Variants in CPLANE1 observed in about 807,000 individuals in gnomAD.
CPLANE1 encodes the protein ciliogenesis and planar polarity effector 1.
CPLANE1 carries 263 observed loss-of-function variants against 362.5 expected under a neutral mutation model. The ratio of observed to expected loss-of-function variants is 0.73; its 90% confidence interval spans 0.66 to 0.80. CPLANE1 has a LOEUF of 0.80. Among genes scored for constraint, CPLANE1 ranks in the 30% least tolerant of loss-of-function variants. CPLANE1 has a pLI of 0.00. For missense variants in CPLANE1, 3,461 were observed against 3,793.4 expected (o/e 0.91, Z 2.30); for synonymous variants, 1,212 against 1,302.6 (o/e 0.93, Z 1.50).
chr5:37,116,302 T>C (rs745832263), intron 50 of CPLANE1, among the ~76,000 whole-genome samples: 45 of 151,986 alleles, frequency 3.0e-4, no homozygotes, highest in Middle Eastern at 3.4e-3. Context: ...CTGGCCAACA[T>C]GGTGAAACCC....
chr5:37,171,892 T>A (rs1286529289), intron 32 of CPLANE1, among the ~76,000 whole-genome samples: 1 of 151,896 alleles, frequency 6.6e-6, no homozygotes, highest in Non-Finnish European at 1.5e-5. Flanking sequence ...GCTCAAAGCA[T>A]CCTCCAACCT....
chr5:37,209,827 A>G lies in CPLANE1; in HGVS notation c.2921-3402T>C. The G allele has an allele frequency of 7.4e-7, 1 of 1,353,844 alleles. No homozygotes were observed. Among genetic ancestry groups the G allele is most frequent in the Non-Finnish European group, 1.1e-6 (1 of 945,276 alleles). 83.9% of individuals were successfully genotyped at this position (1,353,844 alleles called of 1,614,324 possible). A position where few individuals can be genotyped will look rare whatever the true frequency, so the allele number is the denominator to read the frequency against. On this transcript the variant is annotated intron_variant, in intron 16 of 52. Coordinates refer to ENST00000651892, the MANE Select transcript of CPLANE1 (RefSeq NM_001384732.1). The surrounding 1 kb of genome is among the most constrained non-coding windows in gnomAD (Gnocchi z 4.6). Reference sequence around the variant, plus strand: ...TTGGCAGAATATCATCAAGCTAAAGAAAGTTGTAATATGGAAACTCAGACA... The same window carrying G: ...TTGGCAGAATATCATCAAGCTAAAGGAAGTTGTAATATGGAAACTCAGACA...
rs1347208910 is a variant in CPLANE1, at chr5:37,120,210, T to C, written c.9310+6A>G. 1 of 1,598,308 alleles carries C rather than the reference T, an allele frequency of 6.3e-7. No individual in the cohort carries two copies. Among genetic ancestry groups the C allele is most frequent in the Non-Finnish European group, 8.5e-7 (1 of 1,176,258 alleles). ...AGACAATTTATAAAAAAGCTTTAAG[T>C]CTTACCATGTGGCCAAGGTGAGCCT... On this transcript the variant is annotated splice_donor_region_variant and intron_variant, in intron 50 of 52. Coordinates refer to ENST00000651892, the MANE Select transcript of CPLANE1 (RefSeq NM_001384732.1).
At chr5:37,190,691 T>C (rs905347854) in intron 21 of CPLANE1, among the ~76,000 whole-genome samples, 2 of 152,298 alleles carry the variant, frequency 1.3e-5, no homozygotes, top group Admixed American at 6.5e-5. Flanking sequence ...TGCCACATAA[T>C]GGCACTCAGG....
At position 37,221,471 on chromosome 5, in the gene CPLANE1, A is replaced by C. The variant is rs1453632335; in HGVS notation, c.2599T>G (p.Phe867Val). 9.3e-6 allele frequency: 14 copies of C among 1,501,142 alleles called. No individual in the cohort carries two copies. Among genetic ancestry groups the C allele is most frequent in the Non-Finnish European group, 1.2e-5 (13 of 1,130,316 alleles). 93.0% of individuals were successfully genotyped at this position (1,501,142 alleles called of 1,614,324 possible). ...IEEKGGRRTY[F>V]LQIRYYLSLL... is the part of the protein sequence containing the mutation. ...GAAAGATAATAGCGTATCTGAAGAA[A>C]ATACGTCCTTCTTCCTCCTGAAACA... The change falls in exon 15 of 53, where the codon TTT becomes GTT. Residue 867 changes from phenylalanine to valine, a missense_variant. Transcript: ENST00000651892.
intron 18 of CPLANE1, among the ~76,000 whole-genome samples, chr5:37,202,558 G>A (rs1005801865): frequency 5.9e-5 from 9 of 152,022 alleles, no homozygotes; most frequent in Admixed American, 2.6e-4. Flanking sequence ...TGTATAGTAC[G>A]GCTTCAACTA....
At chr5:37,222,043 A>G (rs1335046939) in intron 14 of CPLANE1, among the ~76,000 whole-genome samples, 2 of 151,966 alleles carry the variant, frequency 1.3e-5, no homozygotes, top group Non-Finnish European at 2.9e-5. Context: ...AGCAGAAGAA[A>G]CAGTTATCCA....
chr5:37,236,434 G>T (rs555273266), intron 8 of CPLANE1, among the ~76,000 whole-genome samples: 1 of 152,160 alleles, frequency 6.6e-6, no homozygotes, highest in African/African-American at 2.4e-5. Flanking sequence ...ACTCAAGATG[G>T]ATTAAAGACC....
At chr5:37,101,158 G>A in the CPLANE1 span, among the ~76,000 whole-genome samples, 86 of 152,008 alleles carry the variant, frequency 5.7e-4, no homozygotes, top group South Asian at 0.012. Flanking sequence ...GAATATGAGC[G>A]GTGAGAAGGC....
chr5:37,076,253 CAA>C, the CPLANE1 span, among the ~76,000 whole-genome samples: 302 of 138,634 alleles, frequency 2.2e-3, no homozygotes, highest in Non-Finnish European at 2.6e-3. Flanking sequence ...GACCCTGTCT[CAA>C]AAAAAAAAAA....
At chr5:37,219,557 C>T (rs1794910154) in intron 15 of CPLANE1, among the ~76,000 whole-genome samples, 1 of 151,946 alleles carries the variant, frequency 6.6e-6, no homozygotes, top group South Asian at 2.1e-4. Context: ...ATTAGCCAGG[C>T]GTGAGGCACA....
the CPLANE1 span, among the ~76,000 whole-genome samples, chr5:37,094,424 A>C: frequency 3.3e-5 from 5 of 152,246 alleles, no homozygotes; most frequent in Admixed American, 1.3e-4. Flanking sequence ...CCTCTGGGAT[A>C]CAGCAAAGGC....
At chr5:37,097,136 G>A in the CPLANE1 span, among the ~76,000 whole-genome samples, 2 of 152,028 alleles carry the variant, frequency 1.3e-5, no homozygotes, top group African/African-American at 2.4e-5. Context: ...ATCACTTGAG[G>A]CCAGGAGTTC....
chr5:37,153,773 G>C lies in CPLANE1; in HGVS notation c.8340C>G (p.Pro2780=). 1 of 1,613,066 alleles carries C rather than the reference G, an allele frequency of 6.2e-7. No individual in the cohort carries two copies. The highest frequency in any genetic ancestry group is 8.5e-7 in the Non-Finnish European group (1 of 1,179,434). ...AATGTAGATCTAGCATTTCAGGCTTGGGGAAATCCTGTTCTATGTTTTCAG... is the reference window on the plus strand; with the variant it reads ...AATGTAGATCTAGCATTTCAGGCTTCGGGAAATCCTGTTCTATGTTTTCAG... The part of the protein sequence containing the change: ...NIAENIEQDF[P]KPEMLDLHCD... Residue 2780 remains proline (P), a synonymous_variant, in exon 42 of 53, where the codon CCC becomes CCG. Transcript: ENST00000651892.
intron 41 of CPLANE1, 59 bp from the exon 42 acceptor site, chr5:37,154,052 A>G (rs547765513): frequency 6.9e-7 from 1 of 1,442,892 alleles, no homozygotes; most frequent in African/African-American, 1.4e-5. Flanking sequence ...GGTATTATTG[A>G]TGATCTCATT....
At chr5:37,121,985 T>A (rs965458004) in intron 48 of CPLANE1, among the ~76,000 whole-genome samples, 5 of 151,566 alleles carry the variant, frequency 3.3e-5, no homozygotes, top group Non-Finnish European at 7.4e-5. Context: ...GTTCAAGCAA[T>A]TCTCCTGCCT....
chr5:37,142,897 T>C (rs536828766), intron 43 of CPLANE1, among the ~76,000 whole-genome samples: 26 of 152,108 alleles, frequency 1.7e-4, no homozygotes, highest in Non-Finnish European at 3.7e-4. Flanking sequence ...TACACTGCAA[T>C]GAGGGAAAAA....
chr5:37,157,498 C>T, intron 40 of CPLANE1, 78 bp from the exon 41 acceptor site: 1 of 1,180,336 alleles, frequency 8.5e-7, no homozygotes, highest in South Asian at 1.3e-5. Flanking sequence ...AAGACTGATT[C>T]TAAACTTCTA....
At position 37,140,418 on chromosome 5, in the gene CPLANE1, G is replaced by C. The variant is rs374067173; in HGVS notation, c.8633-1048C>G. 35 of 984,728 alleles carry C rather than the reference G, an allele frequency of 3.6e-5. No homozygotes were observed. The East Asian group carries it at 2.3e-3, about 64-fold the overall frequency. 61.0% of individuals were successfully genotyped at this position (984,728 alleles called of 1,614,324 possible). On this transcript the variant is annotated intron_variant, in intron 44 of 52. Transcript: ENST00000651892. Reference sequence around the variant, plus strand: ...CGTTCTCAGAATCTGGGCATTTGTGGGTTAAGAGCAACTAATTCAATTTAA... The same window carrying C: ...CGTTCTCAGAATCTGGGCATTTGTGCGTTAAGAGCAACTAATTCAATTTAA...
Sources: allele counts gnomAD v4.1 joint callset (sites outside exome capture counted in the v4.1 genomes callset), GRCh38; gene constraint gnomAD v4.1.1; non-coding constraint Gnocchi (gnomAD v3.1); transcripts MANE v1.5; gene names NCBI Gene and HGNC (gene_info 2026-07-23, HGNC 2026-07-21).